The following FBXO41 variants were observed in gnomAD, a reference collection of about 807,000 sequenced individuals.
FBXO41 encodes the protein F-box protein 41.
A neutral mutation model predicts 81.6 loss-of-function variants in FBXO41; 33 were observed. The observed-to-expected ratio is 0.40, with a 90% CI of 0.31 to 0.54. The LOEUF (loss-of-function observed/expected upper bound fraction) is 0.54. Among genes scored for constraint, FBXO41 ranks in the 20% least tolerant of loss-of-function variants. The probability of loss-of-function intolerance (pLI) is 0.39; values close to 1 mark genes in which losing one functional copy is unlikely to be tolerated. For synonymous variants in FBXO41, 576 were observed against 552.7 expected (o/e 1.04, Z -0.59); for missense variants, 1,107 against 1,236.0 (o/e 0.90, Z 1.56).
At chr2:73,283,570 C>G (rs1404620111) in intron 1 of FBXO41, among the ~76,000 whole-genome samples, 1 of 152,186 alleles carries the variant, frequency 6.6e-6, no homozygotes, top group African/African-American at 2.4e-5. Flanking sequence ...CACACAGGCC[C>G]CGTGTCACAC....
At chr2:73,271,914 C>A (rs1688516440) in intron 1 of FBXO41, among the ~76,000 whole-genome samples, 1 of 152,246 alleles carries the variant, frequency 6.6e-6, no homozygotes, top group Non-Finnish European at 1.5e-5. Context: ...CAGGTGTGAG[C>A]CACTGCACCT....
At chr2:73,262,739 C>T (rs191654309) in intron 9 of FBXO41, among the ~76,000 whole-genome samples, 1 of 152,084 alleles carries the variant, frequency 6.6e-6, no homozygotes, top group East Asian at 1.9e-4. Flanking sequence ...TTTTATTTAT[C>T]TATTTATTTA....
intron 1 of FBXO41, among the ~76,000 whole-genome samples, chr2:73,275,931 C>T (rs1445977798): frequency 6.6e-6 from 1 of 151,522 alleles, no homozygotes; most frequent in Admixed American, 6.6e-5. Context: ...GGATTACAGG[C>T]GTATGCCACC....
chr2:73,254,967 C>T lies in FBXO41; in HGVS notation c.*4015G>A, dbSNP rs1296841418. ...CCTGTGCTTGGGGCTGGGGAAGCTA[C>T]CCTCTCACTCAGGCCCATTATAGCC... On this transcript the variant is annotated 3_prime_UTR_variant, in exon 13 of 13. Transcript: ENST00000520530. 1.3e-5 allele frequency: 2 copies of T among 152,702 alleles called. No individual in the cohort carries two copies. Among genetic ancestry groups the T allele is most frequent in the Non-Finnish European group, 2.9e-5 (2 of 68,066 alleles). 9.5% of individuals were successfully genotyped at this position (152,702 alleles called of 1,614,324 possible). A position where few individuals can be genotyped will look rare whatever the true frequency, so the allele number is the denominator to read the frequency against.
chr2:73,281,319 C>T (rs1361589541), intron 1 of FBXO41, among the ~76,000 whole-genome samples: 4 of 152,224 alleles, frequency 2.6e-5, no homozygotes, highest in African/African-American at 9.6e-5. Flanking sequence ...GGTACTGCTT[C>T]CATACTAGGA....
Position 73,269,493 on chromosome 2 carries a change from G to A in FBXO41, c.138C>T (p.Ser46=). 7.7e-7 allele frequency: 1 copy of A among 1,305,826 alleles called. No homozygotes were observed. Among genetic ancestry groups the A allele is most frequent in the Middle Eastern group, 2.0e-4 (1 of 4,888 alleles). 80.9% of individuals were successfully genotyped at this position (1,305,826 alleles called of 1,614,324 possible). A position where few individuals can be genotyped will look rare whatever the true frequency, so the allele number is the denominator to read the frequency against. ...ETLYILSKTN[S]ICDGAAAAAA... The stretch of plus-strand genomic sequence containing the variant: ...CGGCGGCGGCGGCGCCGTCGCAGAT[G>A]CTGTTGGTCTTGGAGAGGATGTAGA... Residue 46 remains serine (S), a synonymous_variant, in exon 2 of 13, where the codon AGC becomes AGT. Coordinates refer to ENST00000520530, the MANE Select transcript of FBXO41 (RefSeq NM_001371389.2). This position sits in a 1 kb window ranked among gnomAD's most constrained non-coding sequence, Gnocchi z 7.0.
chr2:73,258,749 T>G lies in FBXO41; in HGVS notation c.*233A>C, dbSNP rs1574373680. The G allele has an allele frequency of 2.1e-6, 1 of 472,590 alleles. No individual in the cohort carries two copies. Among genetic ancestry groups the G allele is most frequent in the Admixed American group, 3.6e-5 (1 of 27,866 alleles). 29.3% of individuals were successfully genotyped at this position (472,590 alleles called of 1,614,324 possible). On this transcript the variant is annotated 3_prime_UTR_variant, in exon 13 of 13. Coordinates refer to ENST00000520530, the MANE Select transcript of FBXO41 (RefSeq NM_001371389.2). ...AGAGGCTACTCCAGCCGGGGTAGGG[T>G]GGGGGTCGGAGGGCAGCTTCTGTCC...
intron 1 of FBXO41, chr2:73,273,027 C>G (rs1450386090): frequency 6.6e-6 from 1 of 152,210 alleles, no homozygotes; most frequent in Non-Finnish European, 1.5e-5. Context: ...TTCAGTCAAG[C>G]ATGTGGACCA....
intron 1 of FBXO41, among the ~76,000 whole-genome samples, chr2:73,278,965 T>C (rs1688773899): frequency 6.6e-6 from 1 of 152,186 alleles, no homozygotes; most frequent in Non-Finnish European, 1.5e-5. Flanking sequence ...GTAGAATGAA[T>C]GAATGGCAAG....
intron 9 of FBXO41, among the ~76,000 whole-genome samples, chr2:73,262,950 G>T (rs1395903312): frequency 6.6e-6 from 1 of 152,146 alleles, no homozygotes; most frequent in Non-Finnish European, 1.5e-5. Flanking sequence ...TCTCCATGTT[G>T]GTCAGGATGG....
chr2:73,268,475 G>A (rs926925395), intron 2 of FBXO41, among the ~76,000 whole-genome samples: 1 of 152,132 alleles, frequency 6.6e-6, no homozygotes, highest in African/African-American at 2.4e-5. Flanking sequence ...AAAATGCAGG[G>A]GTTGGCTTGT....
chr2:73,264,575 ATG>A, intron 5 of FBXO41, 56 bp from the exon 6 acceptor site: 1 of 1,602,796 alleles, frequency 6.2e-7, no homozygotes, highest in East Asian at 2.2e-5. Context: ...TGGTGTGGGG[ATG>A]TGTGTGGGGA....
In FBXO41 at chr2:73,266,097, G is replaced by A. The variant is rs1432212734; in HGVS notation, c.1132-131C>T. The stretch of plus-strand genomic sequence containing the variant: ...GAGGAGAGAGAAGGGAAAATAGTTG[G>A]GAAAGATGGACAAATGGACAGACAG... On this transcript the variant is annotated intron_variant, in intron 3 of 12. Coordinates refer to ENST00000520530, the MANE Select transcript of FBXO41 (RefSeq NM_001371389.2). The surrounding 1 kb of genome is among the most constrained non-coding windows in gnomAD (Gnocchi z 5.3). The A allele has an allele frequency of 3.6e-6, 3 of 840,166 alleles. No homozygotes were observed. Among genetic ancestry groups the A allele is most frequent in the African/African-American group, 3.4e-5 (2 of 59,414 alleles). The allele number at this position is 840,166 out of a possible 1,614,324, so 52.0% of individuals were successfully genotyped here.
Position 73,263,965 on chromosome 2 carries a change from C to T in FBXO41, c.1895G>A (p.Ser632Asn). ...GGTGCTCCGGGCATACTCCTCCTTG[C>T]TCTCCTTCTTTCCCCGCTGCCGGGG... ...LKPRQRGKKE[S>N]KEEYARSTRG... The change falls in exon 7 of 13, where the codon AGC (serine) becomes AAC (asparagine). Residue 632 changes from serine (S) to asparagine (N), a missense_variant. By Grantham distance (46) the Ser-to-Asn change is conservative (BLOSUM62 1). This residue lies in a region of FBXO41 where 336 missense variants were observed against 446.7 expected (regional missense o/e 0.75). Coordinates refer to ENST00000520530, the MANE Select transcript of FBXO41 (RefSeq NM_001371389.2). 6.2e-7 allele frequency: 1 copy of T among 1,608,906 alleles called. No individual in the cohort carries two copies. Among genetic ancestry groups the T allele is most frequent in the South Asian group, 1.1e-5 (1 of 90,244 alleles).
intron 2 of FBXO41, among the ~76,000 whole-genome samples, chr2:73,267,841 C>T (rs958006767): frequency 3.9e-5 from 6 of 152,104 alleles, no homozygotes; most frequent in African/African-American, 7.2e-5. Flanking sequence ...GTGTTGATCT[C>T]ATGTAATTTG....
intron 1 of FBXO41, chr2:73,271,031 G>GATA: frequency 2.2e-6 from 1 of 447,056 alleles, no homozygotes; most frequent in Admixed American, 2.4e-5. Flanking sequence ...TCCTGTTCTT[G>GATA]CTGCCTTCCT....
rs1438459076 is a variant in FBXO41 at position 73,255,336 on chromosome 2, C to G, written c.*3646G>C. ...TTCTGATCTTTACCCAATCCTAAACCTTATCCTCAGGCAAGGGCTGCAGAT... is the reference window on the plus strand; with the variant it reads ...TTCTGATCTTTACCCAATCCTAAACGTTATCCTCAGGCAAGGGCTGCAGAT... On this transcript the variant is annotated 3_prime_UTR_variant, in exon 13 of 13. Transcript: ENST00000520530. 3 of 152,688 alleles carry G rather than the reference C, an allele frequency of 2.0e-5. No homozygotes were observed. Among genetic ancestry groups the G allele is most frequent in the Non-Finnish European group, 1.5e-5 (1 of 68,118 alleles). 9.5% of individuals were successfully genotyped at this position (152,688 alleles called of 1,614,324 possible). A position where few individuals can be genotyped will look rare whatever the true frequency, so the allele number is the denominator to read the frequency against.
chr2:73,269,391 C>G lies in FBXO41; in HGVS notation c.240G>C (p.Arg80=). 1 of 1,470,792 alleles carries G rather than the reference C, an allele frequency of 6.8e-7. No individual in the cohort carries two copies. The highest frequency in any genetic ancestry group is 9.0e-7 in the Non-Finnish European group (1 of 1,115,466). 91.1% of individuals were successfully genotyped at this position (1,470,792 alleles called of 1,614,324 possible). A position where few individuals can be genotyped will look rare whatever the true frequency, so the allele number is the denominator to read the frequency against. ...AGGAAGTGCTCTCGAAGACCTCTCGCCGGGCGCCGGGCACGGCCAGCAGGG... is the reference window on the plus strand; with the variant it reads ...AGGAAGTGCTCTCGAAGACCTCTCGGCGGGCGCCGGGCACGGCCAGCAGGG... ...PAALLAVPGA[R]REVFESTSFQ... is the part of the protein sequence containing the mutation. Residue 80 remains arginine (R), a synonymous_variant, in exon 2 of 13, where the codon CGG becomes CGC. Transcript: ENST00000520530. The surrounding 1 kb of genome is among the most constrained non-coding windows in gnomAD (Gnocchi z 7.0).
chr2:73,258,732 C>T lies in FBXO41; in HGVS notation c.*250G>A, dbSNP rs1416211682. 3 of 468,342 alleles carry T rather than the reference C, an allele frequency of 6.4e-6. No individual in the cohort carries two copies. The highest frequency in any genetic ancestry group is 5.9e-5 in the African/African-American group (3 of 51,180). 29.0% of individuals were successfully genotyped at this position (468,342 alleles called of 1,614,324 possible). On this transcript the variant is annotated 3_prime_UTR_variant, in exon 13 of 13. Transcript: ENST00000520530. ...TCCTCACTGGCTGTGCCAGAGGCTACTCCAGCCGGGGTAGGGTGGGGGTCG... is the reference window on the plus strand; with the variant it reads ...TCCTCACTGGCTGTGCCAGAGGCTATTCCAGCCGGGGTAGGGTGGGGGTCG...
Sources: allele counts gnomAD v4.1 joint callset (sites outside exome capture counted in the v4.1 genomes callset), GRCh38; gene constraint gnomAD v4.1.1; regional missense constraint gnomAD v4.1.1; non-coding constraint Gnocchi (gnomAD v3.1); transcripts MANE v1.5; gene names NCBI Gene and HGNC (gene_info 2026-07-23, HGNC 2026-07-21).